Variants in ESYT2 observed in about 807,000 individuals in gnomAD.
ESYT2 encodes extended synaptotagmin-2.
In ESYT2, 54 loss-of-function variants were observed where a neutral mutation model predicts 107.2. The observed-to-expected ratio is 0.50, with a 90% CI of 0.40 to 0.63. The LOEUF is 0.63. Among genes scored for constraint, ESYT2 ranks in the 30% least tolerant of loss-of-function variants. The pLI is 0.00. For synonymous variants in ESYT2, 491 were observed against 434.1 expected, an observed-to-expected ratio of 1.13 and a Z score of -1.63; for missense variants, 1,020 against 1,094.5, an observed-to-expected ratio of 0.93 and a Z score of 0.96.
intron 1 of ESYT2, among the ~76,000 whole-genome samples, chr7:158,810,058 A>C (rs1839952652): frequency 6.6e-6 from 1 of 152,222 alleles, no homozygotes; most frequent in African/African-American, 2.4e-5. Context: ...GGGGAAATCG[A>C]ACTCTCATTT....
intron 1 of ESYT2, among the ~76,000 whole-genome samples, chr7:158,812,703 T>C (rs1840024166): frequency 6.6e-6 from 1 of 152,182 alleles, no homozygotes; most frequent in African/African-American, 2.4e-5. Flanking sequence ...CGAATGGCCA[T>C]TGTGGATGAA....
In ESYT2 at chr7:158,820,345, AAG is replaced by A. The variant is rs765390929; in HGVS notation, c.330+8742_330+8743del. Among the ~76,000 whole-genome samples, 11 of 152,358 alleles carry A rather than the reference AAG, an allele frequency of 7.2e-5. No homozygotes were observed. In the South Asian group the frequency reaches 1.7e-3, roughly 23 times the overall value. On this transcript the variant is annotated intron_variant, in intron 1 of 22. Transcript: ENST00000275418. ...ATAATATATTCTTGAAAAAGTCACT[AAG>A]AGTAGATTTTCTAGTGTTCCACCAC...
Position 158,735,567 on chromosome 7 carries a change from G to C in ESYT2, c.2441C>G (p.Thr814Arg). The change falls in exon 21 of 23, where the codon ACG (threonine) becomes AGG (arginine). Residue 814 changes from threonine (T) to arginine (R), a missense_variant. Transcript: ENST00000275418. ...ACTGTTCTTCACGGCAACGTCGAGC[G>C]TTCTCCTCTGCACTTCTGGTAACGA... is the stretch of plus-strand genomic sequence containing the variant. ...SVSLPEVQRR[T>R]LDVAVKNSGG... 6.2e-7 allele frequency: 1 copy of C among 1,614,118 alleles called. No homozygotes were observed. The highest frequency in any genetic ancestry group is 8.5e-7 in the Non-Finnish European group (1 of 1,179,988).
rs183559460 is a variant in ESYT2, at chr7:158,809,929, T to C, written c.331-10857A>G. 2.0e-5 allele frequency among the ~76,000 whole-genome samples: 3 copies of C among 152,384 alleles called. No homozygotes were observed. The East Asian group carries it at 5.8e-4, about 29-fold the overall frequency. On this transcript the variant is annotated intron_variant, in intron 1 of 22. Coordinates refer to ENST00000275418, the MANE Select transcript of ESYT2 (RefSeq NM_001367773.1). ...ACTACATGGATGCACTGGAGCTTCT[T>C]TGAACCTATTCTGGTTCAGGGACTG...
intron 20 of ESYT2, 103 bp downstream of exon 20, chr7:158,736,945 C>A (rs1361104111): frequency 2.7e-6 from 4 of 1,476,960 alleles, no homozygotes; most frequent in Non-Finnish European, 3.7e-6. Flanking sequence ...AACTTCTCAA[C>A]AGCTGATTTA....
At chr7:158,760,247 C>G (rs1245706260) in intron 11 of ESYT2, 100 bp from the exon 12 acceptor site, 1 of 1,031,886 alleles carries the variant, frequency 9.7e-7, no homozygotes, top group Non-Finnish European at 1.5e-6. Flanking sequence ...TCACTAACCA[C>G]GAGGCATCAA....
intron 7 of ESYT2, among the ~76,000 whole-genome samples, chr7:158,768,922 TTAAA>T (rs1295308090): frequency 4.6e-5 from 7 of 152,202 alleles, no homozygotes; most frequent in Non-Finnish European, 1.0e-4. Flanking sequence ...AACGTGAGAA[TTAAA>T]TAATGCATAT....
At chr7:158,807,972 C>T (rs1050753810) in intron 1 of ESYT2, among the ~76,000 whole-genome samples, 8 of 152,148 alleles carry the variant, frequency 5.3e-5, no homozygotes, top group Non-Finnish European at 1.0e-4. Context: ...GGGGTAGGGC[C>T]GTCCAGCCTC....
At chr7:158,736,747 A>G (rs1158764256) in intron 20 of ESYT2, among the ~76,000 whole-genome samples, 17 of 152,254 alleles carry the variant, frequency 1.1e-4, no homozygotes, top group Admixed American at 1.1e-3. Context: ...AACATAGTTA[A>G]GTGTCAACAG....
At chr7:158,813,266 G>C (rs1281044964) in intron 1 of ESYT2, among the ~76,000 whole-genome samples, 1 of 152,180 alleles carries the variant, frequency 6.6e-6, no homozygotes, top group African/African-American at 2.4e-5. Context: ...AGACGGACAG[G>C]AAGAGTTGAA....
At chr7:158,828,950 C>T (rs1251206667) in intron 1 of ESYT2, 139 bp downstream of exon 1, 7 of 1,332,110 alleles carry the variant, frequency 5.3e-6, no homozygotes, top group African/African-American at 1.6e-5. Context: ...GGGTGGGGGA[C>T]TACGAAGGCG....
intron 1 of ESYT2, among the ~76,000 whole-genome samples, chr7:158,801,110 G>A (rs574798533): frequency 4.0e-5 from 6 of 151,734 alleles, no homozygotes; most frequent in Non-Finnish European, 8.8e-5. Context: ...CGGAGGCGGC[G>A]GCACCCAAGC....
chr7:158,752,852 T>C lies in ESYT2; in HGVS notation c.1420-9A>G. On this transcript the variant is annotated splice_polypyrimidine_tract_variant and intron_variant, in intron 13 of 22. Coordinates refer to ENST00000275418, the MANE Select transcript of ESYT2 (RefSeq NM_001367773.1). ...AATTCTAATGGGTTACTCTTTCAAG[T>C]CAGAAGAAAACGAATATGCCAAGGG... The C allele has an allele frequency of 7.7e-7, 1 of 1,302,676 alleles. No homozygotes were observed. Among genetic ancestry groups the C allele is most frequent in the Non-Finnish European group, 1.0e-6 (1 of 987,850 alleles). 80.7% of individuals were successfully genotyped at this position (1,302,676 alleles called of 1,614,324 possible).
At chr7:158,794,706 G>A (rs1486714920) in intron 3 of ESYT2, among the ~76,000 whole-genome samples, 1 of 152,126 alleles carries the variant, frequency 6.6e-6, no homozygotes, top group Non-Finnish European at 1.5e-5. Context: ...GAGCCCGGGG[G>A]GGTAAGGTTG....
chr7:158,765,407 G>A (rs1838123595), intron 8 of ESYT2, among the ~76,000 whole-genome samples: 1 of 152,196 alleles, frequency 6.6e-6, no homozygotes, highest in Non-Finnish European at 1.5e-5. Context: ...GGAGAAAACT[G>A]CAACTTTGAA....
chr7:158,818,555 C>A (rs893659534), intron 1 of ESYT2, among the ~76,000 whole-genome samples: 22 of 152,224 alleles, frequency 1.4e-4, no homozygotes, highest in African/African-American at 5.3e-4. Flanking sequence ...AAAGGCCACA[C>A]CAGGACTTGC....
At chr7:158,799,862 G>T (rs1013232387) in intron 1 of ESYT2, among the ~76,000 whole-genome samples, 13 of 152,026 alleles carry the variant, frequency 8.6e-5, no homozygotes, top group Non-Finnish European at 4.4e-5. Flanking sequence ...AGGCATGGTG[G>T]CTCATGCCTG....
At position 158,783,568 on chromosome 7, in the gene ESYT2, G is replaced by C. The variant is rs183075965; in HGVS notation, c.747+4436C>G. 2.5e-4 allele frequency among the ~76,000 whole-genome samples: 38 copies of C among 152,342 alleles called. No individual in the cohort carries two copies. In the Middle Eastern group the frequency reaches 0.01, roughly 41 times the overall value. On this transcript the variant is annotated intron_variant, in intron 6 of 22. Transcript: ENST00000275418. The stretch of plus-strand genomic sequence containing the variant: ...TCACTTTTGACCACACGGGAGAGCT[G>C]ACATCCTGAGCCACCAGCCAGCGTG...
chr7:158,825,207 C>A (rs112827247), intron 1 of ESYT2, among the ~76,000 whole-genome samples: 3 of 152,134 alleles, frequency 2.0e-5, no homozygotes, highest in African/African-American at 7.2e-5. Context: ...GCAGGAGAGT[C>A]GCTTAAACCC....
Sources: allele counts gnomAD v4.1 joint callset (sites outside exome capture counted in the v4.1 genomes callset), GRCh38; gene constraint gnomAD v4.1.1; transcripts MANE v1.5; gene names NCBI Gene and HGNC (gene_info 2026-07-23, HGNC 2026-07-21).